The following AHCTF1 variants were observed in gnomAD, a reference collection of about 807,000 sequenced individuals.
AHCTF1 encodes protein ELYS.
Under a neutral mutation model 248.4 loss-of-function variants are expected in AHCTF1, and 24 were observed. The ratio of observed to expected loss-of-function variants is 0.10; its 90% CI spans 0.07 to 0.14. The LOEUF is 0.14. AHCTF1 is among the 10% of genes least tolerant of loss of function. The pLI is 1.00. For missense variants in AHCTF1, 2,206 were observed against 2,636.2 expected (o/e 0.84, Z 3.57); for synonymous variants, 786 against 929.8 (o/e 0.85, Z 2.81).
rs1480402671 is a variant in AHCTF1 at position 246,898,241 on chromosome 1, T to G, written c.1590A>C (p.Arg530Ser). The G allele has an allele frequency of 2.5e-5, 41 of 1,612,158 alleles. No homozygotes were observed. The highest frequency in any genetic ancestry group is 3.3e-5 in the Non-Finnish European group (39 of 1,180,000). Residue 530 changes from arginine (R) to serine (S), a missense_variant, in exon 12 of 36, where the codon AGA becomes AGC. Around this residue, in one of 6 missense-constraint regions of AHCTF1, gnomAD observed 650 missense variants for 870.8 expected, o/e 0.75. Coordinates refer to ENST00000648844, the MANE Select transcript of AHCTF1 (RefSeq NM_001323342.2). ...RCLVAGLLSP[R>S]FVDVQPSSLS... Reference sequence around the variant, plus strand: ...AACTGGAAGGCTGAACATCAACAAATCTTGGGGAAAGAAGGCCAGCTACAA... The same window carrying G: ...AACTGGAAGGCTGAACATCAACAAAGCTTGGGGAAAGAAGGCCAGCTACAA...
rs185168576 is a variant in AHCTF1, at chr1:246,888,288, T to C, written c.2269-55A>G. 133 of 1,612,262 alleles carry C rather than the reference T, an allele frequency of 8.2e-5. No homozygotes were observed. In the East Asian group the frequency reaches 2.7e-3, roughly 32 times the overall value. ...GGATCTTATACAGTCATTCATTCATTCATGCTTCTTGTTTTCCCAAGTTTG... is the reference window on the plus strand; with the variant it reads ...GGATCTTATACAGTCATTCATTCATCCATGCTTCTTGTTTTCCCAAGTTTG... On this transcript the variant is annotated intron_variant, in intron 18 of 35. Transcript: ENST00000648844.
intron 17 of AHCTF1, among the ~76,000 whole-genome samples, chr1:246,889,576 T>C (rs985351259): frequency 2.0e-5 from 3 of 152,166 alleles, no homozygotes; most frequent in African/African-American, 7.2e-5. Flanking sequence ...TTGCCATGCA[T>C]CAGAATTACA....
Position 246,850,254 on chromosome 1 carries a change from C to T in AHCTF1, c.5752G>A (p.Gly1918Arg), listed in dbSNP as rs1167529333. ...STNLDASENT[G>R]NKQDDKSSDK... is the part of the protein sequence containing the mutation. Reference sequence around the variant, plus strand: ...CTGGATTTATCATCTTGCTTATTTCCTGTATTTTCAGAAGCATCTAAATTA... The same window carrying T: ...CTGGATTTATCATCTTGCTTATTTCTTGTATTTTCAGAAGCATCTAAATTA... Residue 1918 changes from glycine to arginine, a missense_variant, in exon 33 of 36, where the codon GGA becomes AGA. By Grantham distance (125) the Gly-to-Arg change is moderately radical. Coordinates refer to ENST00000648844, the MANE Select transcript of AHCTF1 (RefSeq NM_001323342.2). 6.2e-7 allele frequency: 1 copy of T among 1,613,884 alleles called. No homozygotes were observed. Among genetic ancestry groups the T allele is most frequent in the South Asian group, 1.1e-5 (1 of 91,070 alleles).
chr1:246,874,838 C>T (rs1164574868), intron 24 of AHCTF1, among the ~76,000 whole-genome samples: 2 of 152,244 alleles, frequency 1.3e-5, no homozygotes, highest in African/African-American at 2.4e-5. Context: ...ACCTGACCTC[C>T]GGCTCTCAGC....
chr1:246,888,438 G>T lies in AHCTF1; in HGVS notation c.2224C>A (p.Arg742=), dbSNP rs1572419014. The stretch of plus-strand genomic sequence containing the variant: ...TATTTTCCTGTGCCTCCTTCATCTC[G>T]TTTCCACAACTTCTCAATTCGCTCT... The part of the protein sequence containing the change: ...LGERIEKLWK[R]DEGGTGKYPP... The change falls in exon 18 of 36, where the codon CGA becomes AGA. Residue 742 remains arginine (R), a synonymous_variant. Transcript: ENST00000648844. The T allele has an allele frequency of 1.9e-6, 3 of 1,613,076 alleles. No individual in the cohort carries two copies. The highest frequency in any genetic ancestry group is 2.2e-5 in the East Asian group (1 of 44,872).
At position 246,842,725 on chromosome 1, in the gene AHCTF1, T is replaced by C; in HGVS notation, c.6577A>G (p.Ile2193Val). The change falls in exon 35 of 36, where the codon ATC becomes GTC. Residue 2193 changes from isoleucine (I) to valine (V), a missense_variant. Ile to Val is a conservative substitution (Grantham distance 29). This residue lies in a region of AHCTF1 where 469 missense variants were observed against 470.0 expected (regional missense o/e 1.00). Transcript: ENST00000648844. ...GCTTGTTTTGTTTTTGACGTCCTGA[T>C]TCGTTTCGCTTTTGGCTTTCCCAGA... ...ETLGKPKAKR[I>V]RTSKTKQASK... The C allele has an allele frequency of 6.2e-7, 1 of 1,613,812 alleles. No individual in the cohort carries two copies. Among genetic ancestry groups the C allele is most frequent in the Non-Finnish European group, 8.5e-7 (1 of 1,180,024 alleles).
intron 21 of AHCTF1, among the ~76,000 whole-genome samples, chr1:246,880,644 A>ATT (rs1480772853): frequency 2.6e-5 from 4 of 152,138 alleles, no homozygotes; most frequent in African/African-American, 9.7e-5. Flanking sequence ...CAGGAGTAAG[A>ATT]TAAACTTAAT....
intron 20 of AHCTF1, 54 bp from the exon 21 acceptor site, chr1:246,885,734 A>C: frequency 6.7e-7 from 1 of 1,483,502 alleles, no homozygotes; most frequent in Non-Finnish European, 9.1e-7. Flanking sequence ...ACATTTAGAC[A>C]AAGTAGGTAA....
chr1:246,895,755 T>C (rs983221830), intron 13 of AHCTF1, 80 bp downstream of exon 13: 4 of 1,214,546 alleles, frequency 3.3e-6, no homozygotes, highest in South Asian at 2.8e-5. Flanking sequence ...AAAATTAAAA[T>C]AACTAAGAAA....
intron 26 of AHCTF1, among the ~76,000 whole-genome samples, chr1:246,866,972 T>G (rs72766505): frequency 0.05 from 7,604 of 152,182 alleles, 252 homozygotes; most frequent in Middle Eastern, 0.078. Flanking sequence ...AACAAGCAGG[T>G]AACAAGGAAA....
At chr1:246,895,683 CTAAAGGGGGTGGGAT>C in intron 13 of AHCTF1, 137 bp downstream of exon 13, 1 of 611,266 alleles carries the variant, frequency 1.6e-6, no homozygotes, top group Non-Finnish European at 2.8e-6. Flanking sequence ...GGCAAACGTG[CTAAAGGGGGTGGGAT>C]CTCTCTATTG....
chr1:246,916,865 A>G (rs1170015906), intron 2 of AHCTF1, among the ~76,000 whole-genome samples: 38 of 152,252 alleles, frequency 2.5e-4, no homozygotes, highest in Admixed American at 2.5e-3. Flanking sequence ...ACTAAGGCTT[A>G]AACGATTTAA....
rs892460352 is a variant in AHCTF1 at position 246,903,821 on chromosome 1, G to A, written c.966+128C>T. Reference sequence around the variant, plus strand: ...CCACTGCACTCCAGCCTGGGCGACAGAGCGAGACTCTGTCTCAAAAAAAAA... The same window carrying A: ...CCACTGCACTCCAGCCTGGGCGACAAAGCGAGACTCTGTCTCAAAAAAAAA... On this transcript the variant is annotated intron_variant, in intron 7 of 35. Coordinates refer to ENST00000648844, the MANE Select transcript of AHCTF1 (RefSeq NM_001323342.2). 38 of 733,872 alleles carry A rather than the reference G, an allele frequency of 5.2e-5. No individual in the cohort carries two copies. The Admixed American group carries it at 9.6e-4, about 19-fold the overall frequency. The allele number at this position is 733,872 out of a possible 1,614,324, so 45.5% of individuals were successfully genotyped here.
In AHCTF1 at chr1:246,901,355, G is replaced by A. The variant is rs182082990; in HGVS notation, c.1118-886C>T. Among the ~76,000 whole-genome samples, 713 of 152,048 alleles carry A rather than the reference G, an allele frequency of 4.7e-3. 8 individuals are homozygous for A. Among genetic ancestry groups the A allele is most frequent in the African/African-American group, 0.016 (680 of 41,500 alleles). On this transcript the variant is annotated intron_variant, in intron 8 of 35. Coordinates refer to ENST00000648844, the MANE Select transcript of AHCTF1 (RefSeq NM_001323342.2). ...CCCTGTCTCTAAAAAAACAAAAACAGGCCAGGTGCGGTGGCTCACGCCTGT... is the reference window on the plus strand; with the variant it reads ...CCCTGTCTCTAAAAAAACAAAAACAAGCCAGGTGCGGTGGCTCACGCCTGT...
chr1:246,908,372 C>G (rs1170119621), intron 4 of AHCTF1, among the ~76,000 whole-genome samples: 1 of 151,370 alleles, frequency 6.6e-6, no homozygotes, highest in Non-Finnish European at 1.5e-5. Flanking sequence ...CCTACCCTCC[C>G]CACCTACAAA....
At chr1:246,900,664 A>T (rs1340675899) in intron 8 of AHCTF1, among the ~76,000 whole-genome samples, 195 bp from the exon 9 acceptor site, 1 of 152,202 alleles carries the variant, frequency 6.6e-6, no homozygotes, top group Non-Finnish European at 1.5e-5. Flanking sequence ...TCTCAATTTT[A>T]AGGCCTTATT....
At chr1:246,922,799 G>A (rs1301898348) in intron 1 of AHCTF1, among the ~76,000 whole-genome samples, 23 of 150,800 alleles carry the variant, frequency 1.5e-4, no homozygotes, top group Non-Finnish European at 2.4e-4. Flanking sequence ...TGGATAACAC[G>A]GTGAAACCCT....
chr1:246,867,378 A>G (rs1423317455), intron 25 of AHCTF1, 27 bp from the exon 26 acceptor site: 2 of 1,440,132 alleles, frequency 1.4e-6, no homozygotes, highest in South Asian at 2.7e-5. Context: ...TTAACTTCTG[A>G]TGTATCACAA....
intron 30 of AHCTF1, among the ~76,000 whole-genome samples, chr1:246,857,461 C>G (rs1419280581): frequency 6.6e-6 from 1 of 152,146 alleles, no homozygotes; most frequent in Non-Finnish European, 1.5e-5. Flanking sequence ...ACAGAATCAC[C>G]AGAGTTCTGC....
Sources: gnomAD v4.1 joint callset for allele counts (sites outside exome capture counted in the v4.1 genomes callset) on GRCh38, gnomAD v4.1.1 for gene constraint, gnomAD v4.1.1 regional missense constraint, MANE v1.5 for transcripts, NCBI Gene and HGNC (gene_info 2026-07-23, HGNC 2026-07-21) for gene names.